PLCE1: variants seen among roughly 807,000 people sequenced by gnomAD.
PLCE1 encodes the protein phospholipase C epsilon 1.
A neutral mutation model predicts 242.8 loss-of-function variants in PLCE1; 119 were observed. The ratio of observed to expected loss-of-function variants is 0.49; its 90% CI spans 0.42 to 0.57. The LOEUF is 0.57. Ranked by LOEUF, PLCE1 falls within the 20% of genes least tolerant of loss-of-function variation. The pLI, the probability that PLCE1 is intolerant of heterozygous loss-of-function variation, is 0.00. For missense variants in PLCE1, 2,441 were observed against 2,788.8 expected (o/e 0.88, Z 2.81); for synonymous variants, 945 against 1,017.4 (o/e 0.93, Z 1.35).
chr10:94,045,915 A>ATGG (rs1345734277), intron 2 of PLCE1, among the ~76,000 whole-genome samples: 1 of 152,072 alleles, frequency 6.6e-6, no homozygotes, highest in East Asian at 1.9e-4. Context: ...CCTGGCTAAC[A>ATGG]TGGTGAAACT....
chr10:94,112,204 T>C (rs1191124431), intron 2 of PLCE1, among the ~76,000 whole-genome samples: 1 of 152,154 alleles, frequency 6.6e-6, no homozygotes, highest in Non-Finnish European at 1.5e-5. Context: ...TTTTTAAAAA[T>C]GCATGAAGCA....
intron 2 of PLCE1, among the ~76,000 whole-genome samples, chr10:94,125,424 G>A (rs1387231268): frequency 1.3e-5 from 2 of 151,490 alleles, no homozygotes; most frequent in Admixed American, 6.6e-5. Flanking sequence ...ACAGAGTCTC[G>A]CTTTGTTCCC....
intron 14 of PLCE1, 95 bp from the exon 15 acceptor site, chr10:94,265,552 G>T: frequency 9.1e-7 from 1 of 1,094,434 alleles, no homozygotes; most frequent in South Asian, 1.3e-5. Context: ...GTTTCCTGAT[G>T]AAAACAGAAC....
chr10:94,298,736 A>AT lies in PLCE1; in HGVS notation c.5458+73dup, dbSNP rs1389430511. ...ATTTCAGTAAATGCAGTTTGACAGC[A>AT]TTTTTTCAAAGGGGCAAGATTCCAG... is the stretch of plus-strand genomic sequence containing the variant. On this transcript the variant is annotated intron_variant, in intron 24 of 32. Transcript: ENST00000371380. The surrounding 1 kb of genome is among the most constrained non-coding windows in gnomAD (Gnocchi z 5.2). The AT allele has an allele frequency of 1.9e-6, 3 of 1,558,444 alleles. No individual in the cohort carries two copies. The highest frequency in any genetic ancestry group is 2.7e-6 in the Non-Finnish European group (3 of 1,130,772).
intron 1 of PLCE1, among the ~76,000 whole-genome samples, chr10:94,011,401 C>G (rs1179334678): frequency 2.0e-5 from 3 of 152,148 alleles, no homozygotes; most frequent in South Asian, 2.1e-4. Flanking sequence ...GGCCCCACCT[C>G]CAACATTGGA....
intron 5 of PLCE1, among the ~76,000 whole-genome samples, chr10:94,230,756 T>C (rs947298565): frequency 2.0e-5 from 3 of 151,912 alleles, no homozygotes; most frequent in Non-Finnish European, 2.9e-5. Context: ...CTACAAGGAG[T>C]GTACCAGCAC....
In PLCE1 at chr10:94,246,388, A is replaced by G. The variant is rs373257538; in HGVS notation, c.2863A>G (p.Thr955Ala). 1.9e-6 allele frequency: 3 copies of G among 1,614,060 alleles called. No homozygotes were observed. Among genetic ancestry groups the G allele is most frequent in the African/African-American group, 1.3e-5 (1 of 74,938 alleles). ...GGGCCACCCTGGCATTGATATACAC[A>G]CTGTGTGTGTTCAGAACAAACTGGG... is the stretch of plus-strand genomic sequence containing the variant. ...YMGHPGIDIH[T>A]VCVQNKLGSM... Residue 955 changes from threonine (T) to alanine (A), a missense_variant, in exon 8 of 33, where the codon ACT (threonine) becomes GCT (alanine). Physicochemically the swap from Thr to Ala is moderately conservative, Grantham distance 58 (BLOSUM62 0). Coordinates refer to ENST00000371380, the MANE Select transcript of PLCE1 (RefSeq NM_016341.4).
intron 1 of PLCE1, among the ~76,000 whole-genome samples, chr10:94,014,539 C>T (rs955582036): frequency 8.6e-5 from 13 of 151,934 alleles, no homozygotes; most frequent in Admixed American, 2.0e-4. Flanking sequence ...GTGTACAGTT[C>T]CGTGGCATTA....
chr10:94,280,022 G>A, intron 20 of PLCE1, 111 bp downstream of exon 20: 2 of 1,115,600 alleles, frequency 1.8e-6, no homozygotes, highest in South Asian at 1.2e-5. Flanking sequence ...ACGGATGGTT[G>A]TAATATTGTC....
chr10:94,039,690 T>G (rs2134615668), intron 2 of PLCE1, among the ~76,000 whole-genome samples: 1 of 152,288 alleles, frequency 6.6e-6, no homozygotes, highest in Non-Finnish European at 1.5e-5. Flanking sequence ...CCAGCCTGAT[T>G]TCTCCACATC....
intron 2 of PLCE1, among the ~76,000 whole-genome samples, chr10:94,085,263 G>T (rs918269324): frequency 6.6e-6 from 1 of 152,156 alleles, no homozygotes; most frequent in African/African-American, 2.4e-5. Context: ...GAGAGGCTTT[G>T]CCCCATCTGG....
chr10:94,175,919 C>A (rs189153342), intron 4 of PLCE1, among the ~76,000 whole-genome samples: 2 of 152,246 alleles, frequency 1.3e-5, no homozygotes, highest in East Asian at 3.9e-4. Context: ...TTTTTTATGG[C>A]TGAATTATAT....
At chr10:94,138,100 G>T in intron 3 of PLCE1, 1 of 356,730 alleles carries the variant, frequency 2.8e-6, no homozygotes, top group South Asian at 2.6e-5. Flanking sequence ...CAAGTTCTGT[G>T]AAACTTAATG....
intron 4 of PLCE1, among the ~76,000 whole-genome samples, chr10:94,180,074 G>A (rs1410976666): frequency 6.7e-6 from 1 of 150,234 alleles, no homozygotes; most frequent in African/African-American, 2.4e-5. Context: ...AATGACCTGT[G>A]GTTTCAGAGG....
chr10:94,225,742 C>T (rs1332370815), intron 4 of PLCE1, among the ~76,000 whole-genome samples: 1 of 152,246 alleles, frequency 6.6e-6, no homozygotes, highest in Non-Finnish European at 1.5e-5. Context: ...AAAGTCACTT[C>T]TCCCATGAGC....
At chr10:94,291,612 G>A (rs1291809067) in intron 22 of PLCE1, among the ~76,000 whole-genome samples, 2 of 152,100 alleles carry the variant, frequency 1.3e-5, no homozygotes, top group African/African-American at 4.8e-5. Context: ...TAACTTAAAG[G>A]ATTGCTGTAA....
chr10:94,140,360 T>C (rs2046915601), intron 3 of PLCE1, among the ~76,000 whole-genome samples: 1 of 147,806 alleles, frequency 6.8e-6, no homozygotes, highest in African/African-American at 2.5e-5. Context: ...TGATGAAACC[T>C]GTTACTACTG....
rs954378558 is a variant in PLCE1 at position 94,041,084 on chromosome 10, G to A, written c.1206+8832G>A. Among the ~76,000 whole-genome samples, 3 of 151,328 alleles carry A rather than the reference G, an allele frequency of 2.0e-5. No individual in the cohort carries two copies. The South Asian group carries it at 6.3e-4, about 32-fold the overall frequency. On this transcript the variant is annotated intron_variant, in intron 2 of 32. Transcript: ENST00000371380. ...GGCTTAGAACATCCCTCGCTACCTG[G>A]CTAACTCCCATTCAGCTTTCAGGCC...
At chr10:94,045,301 T>C (rs1332939792) in intron 2 of PLCE1, among the ~76,000 whole-genome samples, 1 of 152,124 alleles carries the variant, frequency 6.6e-6, no homozygotes, top group Admixed American at 6.5e-5. Flanking sequence ...ATCAAAAATA[T>C]ATATATATAT....
Sources: allele counts gnomAD v4.1 joint callset (sites outside exome capture counted in the v4.1 genomes callset), GRCh38; gene constraint gnomAD v4.1.1; non-coding constraint Gnocchi (gnomAD v3.1); transcripts MANE v1.5; gene names NCBI Gene and HGNC (gene_info 2026-07-23, HGNC 2026-07-21).